The following SIRPD variants were observed in gnomAD, a reference collection of about 807,000 sequenced individuals.
SIRPD encodes signal-regulatory protein delta.
In SIRPD, 21 loss-of-function variants were observed where a neutral mutation model predicts 18.0. That is an observed-to-expected ratio of 1.17 (90% confidence interval 0.83 to 1.68). The LOEUF is 1.68. SIRPD is among the 40% of genes most tolerant of loss of function. The probability of loss-of-function intolerance (pLI) is 0.00; values close to 1 mark genes in which losing one functional copy is unlikely to be tolerated. For synonymous variants in SIRPD, 106 were observed against 92.9 expected (o/e 1.14, Z -0.81); for missense variants, 295 against 238.4 (o/e 1.24, Z -1.56).
At chr20:1,540,121 T>C (rs148154360) in intron 2 of SIRPD, 1 of 326,226 alleles carries the variant, frequency 3.1e-6, no homozygotes, top group East Asian at 8.2e-5. Context: ...GAGAAGGCAA[T>C]GTGAAAATGG....
Position 1,534,379 on chromosome 20 carries a change from T to A in SIRPD, c.*46A>T, listed in dbSNP as rs1287949119. ...AGCTGTCTCCAGGGAGTCAGAAGAGTATGGGGGCTTTTGTTATTTACTTGT... is the reference window on the plus strand; with the variant it reads ...AGCTGTCTCCAGGGAGTCAGAAGAGAATGGGGGCTTTTGTTATTTACTTGT... On this transcript the variant is annotated 3_prime_UTR_variant, in exon 4 of 4. Coordinates refer to ENST00000381623, the MANE Select transcript of SIRPD (RefSeq NM_178460.3). The A allele has an allele frequency of 1.9e-6, 3 of 1,611,256 alleles. No individual in the cohort carries two copies. Among genetic ancestry groups the A allele is most frequent in the Admixed American group, 3.3e-5 (2 of 59,928 alleles).
chr20:1,537,126 T>C, intron 3 of SIRPD, 29 bp downstream of exon 3: 2 of 1,608,402 alleles, frequency 1.2e-6, no homozygotes, highest in East Asian at 4.5e-5. Context: ...CATCCCTGCA[T>C]CATGGTACCT....
rs764993302 is a variant in SIRPD at position 1,551,981 on chromosome 20, C to T, written c.131G>A (p.Gly44Glu). ...GCTGCAACTCAAGATGATTGACTCC[C>T]CAGTTGATACAGTCTGTGACATCTC... is the stretch of plus-strand genomic sequence containing the variant. The part of the protein sequence containing the change: ...QTEMSQTVST[G>E]ESIILSCSVP... Residue 44 changes from glycine to glutamate, a missense_variant, in exon 2 of 4, where the codon GGG (glycine) becomes GAG (glutamate). Gly to Glu is a moderately conservative substitution (Grantham distance 98, BLOSUM62 -2). Transcript: ENST00000381623. 1 of 1,614,050 alleles carries T rather than the reference C, an allele frequency of 6.2e-7. No individual in the cohort carries two copies. The highest frequency in any genetic ancestry group is 1.3e-5 in the African/African-American group (1 of 75,012).
At chr20:1,548,972 G>C (rs1042280983) in intron 2 of SIRPD, among the ~76,000 whole-genome samples, 2 of 151,852 alleles carry the variant, frequency 1.3e-5, no homozygotes, top group African/African-American at 4.8e-5. Context: ...CATGTATGCG[G>C]TGTGCTTAAT....
rs764993302 is a variant in SIRPD at position 1,551,981 on chromosome 20, C to G, written c.131G>C (p.Gly44Ala). ...GCTGCAACTCAAGATGATTGACTCC[C>G]CAGTTGATACAGTCTGTGACATCTC... is the stretch of plus-strand genomic sequence containing the variant. ...QTEMSQTVST[G>A]ESIILSCSVP... The change falls in exon 2 of 4, where the codon GGG becomes GCG. Residue 44 changes from glycine (G) to alanine (A), a missense_variant. Physicochemically the swap from Gly to Ala is moderately conservative, Grantham distance 60. Coordinates refer to ENST00000381623, the MANE Select transcript of SIRPD (RefSeq NM_178460.3). 4 of 1,614,050 alleles carry G rather than the reference C, an allele frequency of 2.5e-6. No individual in the cohort carries two copies. Among genetic ancestry groups the G allele is most frequent in the Non-Finnish European group, 3.4e-6 (4 of 1,179,968 alleles).
chr20:1,555,744 T>C (rs183578086), intron 1 of SIRPD, among the ~76,000 whole-genome samples: 5 of 152,262 alleles, frequency 3.3e-5, no homozygotes, highest in African/African-American at 1.2e-4. Context: ...TATATTCCTT[T>C]TCTATCGCTG....
intron 2 of SIRPD, among the ~76,000 whole-genome samples, chr20:1,538,306 T>C (rs2090956179): frequency 6.6e-6 from 1 of 152,146 alleles, no homozygotes; most frequent in Non-Finnish European, 1.5e-5. Flanking sequence ...AGTGTCCCTC[T>C]CCCCTCGACA....
At chr20:1,538,589 A>T (rs1427394283) in intron 2 of SIRPD, among the ~76,000 whole-genome samples, 1 of 152,176 alleles carries the variant, frequency 6.6e-6, no homozygotes, top group Non-Finnish European at 1.5e-5. Context: ...CTGAGGCTAG[A>T]CCATAATAAT....
At chr20:1,549,696 A>G (rs1220811932) in intron 2 of SIRPD, among the ~76,000 whole-genome samples, 1 of 152,046 alleles carries the variant, frequency 6.6e-6, no homozygotes, top group African/African-American at 2.4e-5. Flanking sequence ...CATTTATGAT[A>G]TGCCCTTAAT....
intron 1 of SIRPD, among the ~76,000 whole-genome samples, chr20:1,556,101 A>T (rs2091040214): frequency 1.3e-5 from 2 of 152,086 alleles, no homozygotes; most frequent in Non-Finnish European, 2.9e-5. Flanking sequence ...TTGCAAAAAA[A>T]CTCTAGTGTG....
At chr20:1,549,157 C>G (rs1412479248) in intron 2 of SIRPD, among the ~76,000 whole-genome samples, 1 of 151,886 alleles carries the variant, frequency 6.6e-6, no homozygotes, top group South Asian at 2.1e-4. Flanking sequence ...AATTGTTGTA[C>G]TTTTGAATAA....
chr20:1,537,491 C>G (rs571418976), intron 2 of SIRPD, among the ~76,000 whole-genome samples, 181 bp from the exon 3 acceptor site: 1 of 152,182 alleles, frequency 6.6e-6, no homozygotes, highest in African/African-American at 2.4e-5. Context: ...GGCAGACACC[C>G]TTAGTGCCTA....
At chr20:1,554,623 T>C (rs538643326) in intron 1 of SIRPD, among the ~76,000 whole-genome samples, 1 of 152,262 alleles carries the variant, frequency 6.6e-6, no homozygotes, top group Non-Finnish European at 1.5e-5. Flanking sequence ...TTGGGTCAGA[T>C]TTTTCTAATT....
intron 2 of SIRPD, among the ~76,000 whole-genome samples, chr20:1,543,165 G>A (rs2090979498): frequency 6.6e-6 from 1 of 152,160 alleles, no homozygotes; most frequent in African/African-American, 2.4e-5. Flanking sequence ...TTAGGGAGGA[G>A]TCCCTCTTTT....
intron 1 of SIRPD, among the ~76,000 whole-genome samples, chr20:1,554,861 T>C (rs1206412538): frequency 6.6e-6 from 1 of 152,204 alleles, no homozygotes; most frequent in Non-Finnish European, 1.5e-5. Flanking sequence ...TGTAGGATTA[T>C]CTTAGATATT....
At chr20:1,546,628 T>C (rs1261401886) in intron 2 of SIRPD, among the ~76,000 whole-genome samples, 1 of 152,254 alleles carries the variant, frequency 6.6e-6, no homozygotes, top group Non-Finnish European at 1.5e-5. Flanking sequence ...CTGGGTCATA[T>C]AGTAACTTAT....
rs532118524 is a variant in SIRPD, at chr20:1,550,094, C to T, written c.421+1597G>A. 7.0e-4 allele frequency among the ~76,000 whole-genome samples: 106 copies of T among 152,210 alleles called. 1 individual carries two copies. Among genetic ancestry groups the T allele is most frequent in the African/African-American group, 2.0e-3 (85 of 41,534 alleles). On this transcript the variant is annotated intron_variant, in intron 2 of 3. Transcript: ENST00000381623. ...GCAAAGCCATAAACCCAAAGGGTTC[C>T]GAGAAGAGTCTACCTGGGTTCCAGT...
intron 1 of SIRPD, among the ~76,000 whole-genome samples, chr20:1,553,787 G>T (rs906295631): frequency 7.2e-5 from 11 of 152,172 alleles, no homozygotes; most frequent in African/African-American, 2.4e-4. Flanking sequence ...GTCCAGAATG[G>T]CTTACTAGAA....
At chr20:1,534,489 CA>C in intron 3 of SIRPD, 48 bp from the exon 4 acceptor site, 1 of 1,548,114 alleles carries the variant, frequency 6.5e-7, no homozygotes, top group Non-Finnish European at 8.8e-7. Context: ...CTCCCTCCTG[CA>C]AGCTAAGAGC....
Sources: allele counts gnomAD v4.1 joint callset (sites outside exome capture counted in the v4.1 genomes callset), GRCh38; gene constraint gnomAD v4.1.1; transcripts MANE v1.5; gene names NCBI Gene and HGNC (gene_info 2026-07-23, HGNC 2026-07-21).